Variants in DAB1 observed in about 807,000 individuals in gnomAD.
DAB1 encodes disabled homolog 1.
In DAB1, 15 loss-of-function variants were observed where a neutral mutation model predicts 64.6. That is an observed-to-expected ratio of 0.23 (90% CI 0.16 to 0.36). DAB1 has a LOEUF of 0.36. Ranked by LOEUF, DAB1 falls within the 10% of genes least tolerant of loss-of-function variation. The pLI is 1.00. For synonymous variants in DAB1, 235 were observed against 251.9 expected (o/e 0.93, Z 0.64); for missense variants, 596 against 706.7 (o/e 0.84, Z 1.78).
intron 5 of DAB1, among the ~76,000 whole-genome samples, chr1:58,008,458 T>G (rs1444812011): frequency 6.6e-6 from 1 of 152,058 alleles, no homozygotes; most frequent in Admixed American, 6.6e-5. Context: ...GACCTAGGTT[T>G]TAAAGGGTAA....
chr1:58,093,947 G>A (rs759845936), intron 5 of DAB1, among the ~76,000 whole-genome samples: 2 of 152,134 alleles, frequency 1.3e-5, no homozygotes, highest in African/African-American at 2.4e-5. Context: ...GATCCCTGCA[G>A]GCTATGTGTT....
At chr1:57,444,982 G>A (rs1206059487) in intron 7 of DAB1, among the ~76,000 whole-genome samples, 1 of 152,060 alleles carries the variant, frequency 6.6e-6, no homozygotes, top group East Asian at 1.9e-4. Flanking sequence ...AGTGTTCATC[G>A]ACGAAAAGTT....
chr1:57,023,929 GTATCCTAATGATT>G (rs1167887944), intron 10 of DAB1, among the ~76,000 whole-genome samples: 2 of 152,176 alleles, frequency 1.3e-5, no homozygotes, highest in African/African-American at 4.8e-5. Flanking sequence ...ATAATGGCCA[GTATCCTAATGATT>G]TAGTTTGAGC....
intron 6 of DAB1, among the ~76,000 whole-genome samples, chr1:57,757,823 T>C (rs1359495431): frequency 2.6e-5 from 4 of 152,184 alleles, no homozygotes; most frequent in Non-Finnish European, 2.9e-5. Context: ...TTCTTCATTT[T>C]TCTTTATTTT....
chr1:57,398,257 A>G (rs1682969106), intron 1 of DAB1, among the ~76,000 whole-genome samples: 1 of 152,188 alleles, frequency 6.6e-6, no homozygotes, highest in Non-Finnish European at 1.5e-5. Flanking sequence ...AGGTGACAAC[A>G]TGTATATGAA....
chr1:57,980,386 C>A (rs760195398), intron 5 of DAB1, among the ~76,000 whole-genome samples: 1 of 152,110 alleles, frequency 6.6e-6, no homozygotes, highest in Non-Finnish European at 1.5e-5. Context: ...CCAAGCACTT[C>A]CTTATCTCCA....
chr1:57,056,142 G>T (rs1570605993), intron 9 of DAB1, among the ~76,000 whole-genome samples: 1 of 152,130 alleles, frequency 6.6e-6, no homozygotes, highest in African/African-American at 2.4e-5. Context: ...AATCCAAGTT[G>T]TTCTGATGCC....
intron 3 of DAB1, among the ~76,000 whole-genome samples, chr1:58,377,138 G>T (rs934902041): frequency 8.7e-5 from 13 of 148,972 alleles, no homozygotes; most frequent in African/African-American, 3.0e-4. Context: ...TATCCAACTT[G>T]CCAGTCTGTG....
At chr1:57,218,539 A>AC (rs1269953951) in intron 2 of DAB1, among the ~76,000 whole-genome samples, 21 of 148,352 alleles carry the variant, frequency 1.4e-4, no homozygotes, top group Non-Finnish European at 2.2e-4. Context: ...AAAAAAAAAA[A>AC]AAAACAGAAA....
At chr1:57,102,222 C>T (rs1431260768) in intron 4 of DAB1, among the ~76,000 whole-genome samples, 2 of 151,388 alleles carry the variant, frequency 1.3e-5, no homozygotes, top group Non-Finnish European at 2.9e-5. Flanking sequence ...CTGTCTCAGT[C>T]TCTCTCTCTT....
At chr1:57,678,330 C>T (rs1043764574) in intron 6 of DAB1, among the ~76,000 whole-genome samples, 1 of 152,200 alleles carries the variant, frequency 6.6e-6, no homozygotes. Context: ...TAAACTCAAA[C>T]GCTGTTGTTT....
intron 2 of DAB1, among the ~76,000 whole-genome samples, chr1:57,162,911 T>A (rs1487810457): frequency 6.6e-6 from 1 of 152,166 alleles, no homozygotes; most frequent in African/African-American, 2.4e-5. Flanking sequence ...TAAATCTCAG[T>A]GATAGAGGGT....
intron 9 of DAB1, among the ~76,000 whole-genome samples, chr1:57,055,216 T>C (rs538363041): frequency 6.6e-6 from 1 of 152,204 alleles, no homozygotes; most frequent in Non-Finnish European, 1.5e-5. Flanking sequence ...GAAAAGCAGA[T>C]GAAATGTATA....
At chr1:57,049,450 CAA>C (rs574438911) in intron 9 of DAB1, among the ~76,000 whole-genome samples, 24 of 24,584 alleles carry the variant, frequency 9.8e-4, no homozygotes, top group South Asian at 2.6e-3. Context: ...GACTCCGTCT[CAA>C]AAAAAAAAAA....
intron 4 of DAB1, among the ~76,000 whole-genome samples, chr1:58,231,588 T>C (rs1659774867): frequency 6.6e-6 from 1 of 152,252 alleles, no homozygotes; most frequent in Non-Finnish European, 1.5e-5. Context: ...TAGACAAAGG[T>C]ACAGAGCTGT....
At position 57,545,812 on chromosome 1, in the gene DAB1, G is replaced by A. The variant is rs1023731115; in HGVS notation, n.625+103780C>T. 3.3e-5 allele frequency among the ~76,000 whole-genome samples: 5 copies of A among 152,136 alleles called. No individual in the cohort carries two copies. In the East Asian group the frequency reaches 9.7e-4, roughly 29 times the overall value. On this transcript the variant is annotated intron_variant and non_coding_transcript_variant, in intron 7 of 20. Transcript: ENST00000485760. ...CATCCACTAGGACTGTACACTCCTGGAAGACAGGTGCTCCACTTTTGTGCC... is the reference window on the plus strand; with the variant it reads ...CATCCACTAGGACTGTACACTCCTGAAAGACAGGTGCTCCACTTTTGTGCC...
chr1:58,385,554 G>T (rs1261505921), intron 3 of DAB1, among the ~76,000 whole-genome samples: 5 of 152,146 alleles, frequency 3.3e-5, no homozygotes, highest in African/African-American at 1.2e-4. Flanking sequence ...ATTCCTTTCA[G>T]CTACAGGAGA....
chr1:57,909,980 T>C (rs1489663035), intron 5 of DAB1, among the ~76,000 whole-genome samples: 1 of 152,190 alleles, frequency 6.6e-6, no homozygotes, highest in African/African-American at 2.4e-5. Context: ...AACTTATTTT[T>C]TCCAGATGAG....
chr1:57,527,549 T>G (rs147426415), intron 7 of DAB1, among the ~76,000 whole-genome samples: 210 of 152,262 alleles, frequency 1.4e-3, no homozygotes, highest in African/African-American at 4.8e-3. Flanking sequence ...TTAATACTCT[T>G]TCTACTGAAG....
Sources: gnomAD v4.1 joint callset for allele counts (sites outside exome capture counted in the v4.1 genomes callset) on GRCh38, gnomAD v4.1.1 for gene constraint, MANE v1.5 for transcripts, NCBI Gene and HGNC (gene_info 2026-07-23, HGNC 2026-07-21) for gene names.